PDGFC: variants seen among roughly 807,000 people sequenced by gnomAD.
PDGFC encodes platelet-derived growth factor C.
In PDGFC, 12 loss-of-function variants were observed where a neutral mutation model predicts 35.5. The ratio of observed to expected loss-of-function variants is 0.34; its 90% CI spans 0.22 to 0.55. The LOEUF (loss-of-function observed/expected upper bound fraction) is 0.55. PDGFC is among the 20% of genes least tolerant of loss of function. The pLI, the probability that PDGFC is intolerant of heterozygous loss-of-function variation, is 0.91. For synonymous variants in PDGFC, 159 were observed against 148.8 expected (o/e 1.07, Z -0.50); for missense variants, 322 against 412.4 (o/e 0.78, Z 1.90).
chr4:156,807,656 C>T (rs1487273403), intron 3 of PDGFC, among the ~76,000 whole-genome samples: 1 of 151,882 alleles, frequency 6.6e-6, no homozygotes, highest in Non-Finnish European at 1.5e-5. Flanking sequence ...AAAACTCTGC[C>T]TCTAAGACAC....
intron 3 of PDGFC, among the ~76,000 whole-genome samples, chr4:156,797,804 G>C (rs1043311957): frequency 1.3e-5 from 2 of 152,122 alleles, no homozygotes; most frequent in Non-Finnish European, 2.9e-5. Flanking sequence ...CTGAGACTGG[G>C]CTACTCCTTA....
chr4:156,861,551 G>A, intron 1 of PDGFC: 1 of 537,324 alleles, frequency 1.9e-6, no homozygotes, highest in East Asian at 7.0e-5. Flanking sequence ...TAATCTAGGT[G>A]GTTCAGAATC....
Position 156,788,937 on chromosome 4 carries a change from C to CT in PDGFC, c.496-16045dup, listed in dbSNP as rs1364230190. ...TGATCAACTGTGGTTTCAGCTTGTG[C>CT]TACTGCTATTCATAATTTAGGAAGT... On this transcript the variant is annotated intron_variant, in intron 3 of 5. Coordinates refer to ENST00000502773, the MANE Select transcript of PDGFC (RefSeq NM_016205.3). Among the ~76,000 whole-genome samples, 13 of 152,242 alleles carry CT rather than the reference C, an allele frequency of 8.5e-5. No homozygotes were observed. In the East Asian group the frequency reaches 2.5e-3, roughly 29 times the overall value.
At chr4:156,878,521 C>CT (rs1730168698) in intron 1 of PDGFC, among the ~76,000 whole-genome samples, 1 of 152,068 alleles carries the variant, frequency 6.6e-6, no homozygotes, top group Non-Finnish European at 1.5e-5. Flanking sequence ...GTGATACAGG[C>CT]TGAGTGGCCC....
intron 2 of PDGFC, among the ~76,000 whole-genome samples, chr4:156,849,971 T>C (rs1177284842): frequency 6.6e-6 from 1 of 152,068 alleles, no homozygotes; most frequent in Non-Finnish European, 1.5e-5. Context: ...CCATGTATGC[T>C]TTTTTACCAT....
chr4:156,890,658 A>G (rs1730482046), intron 1 of PDGFC, among the ~76,000 whole-genome samples: 1 of 152,180 alleles, frequency 6.6e-6, no homozygotes, highest in Admixed American at 6.5e-5. Context: ...AGATCTCTTT[A>G]AAGCAGGAAC....
intron 2 of PDGFC, among the ~76,000 whole-genome samples, chr4:156,824,997 C>G: frequency 6.6e-6 from 1 of 152,102 alleles, no homozygotes; most frequent in Non-Finnish European, 1.5e-5. Flanking sequence ...AATACATGTG[C>G]CAACAACTAA....
intron 2 of PDGFC, among the ~76,000 whole-genome samples, chr4:156,815,061 CTA>C (rs1732043294): frequency 6.6e-6 from 1 of 152,064 alleles, no homozygotes; most frequent in African/African-American, 2.4e-5. Context: ...TTTGAAAAAT[CTA>C]TATAGTTTTG....
chr4:156,959,861 T>C (rs575637842), intron 1 of PDGFC, among the ~76,000 whole-genome samples: 1 of 152,078 alleles, frequency 6.6e-6, no homozygotes, highest in South Asian at 2.1e-4. Flanking sequence ...AAGGAAACCA[T>C]TTTAAAGCTG....
intron 1 of PDGFC, among the ~76,000 whole-genome samples, chr4:156,893,581 C>T (rs2111200709): frequency 6.6e-6 from 1 of 151,934 alleles, no homozygotes; most frequent in South Asian, 2.1e-4. Flanking sequence ...GAGTGATCCT[C>T]CTACCTTGGC....
intron 1 of PDGFC, among the ~76,000 whole-genome samples, chr4:156,923,123 A>T (rs1298001135): frequency 6.6e-6 from 1 of 152,070 alleles, no homozygotes; most frequent in African/African-American, 2.4e-5. Flanking sequence ...GCTTTTCATG[A>T]TCTGCAAAGC....
intron 3 of PDGFC, among the ~76,000 whole-genome samples, chr4:156,782,637 G>A (rs927536290): frequency 1.3e-5 from 2 of 152,126 alleles, no homozygotes; most frequent in Non-Finnish European, 2.9e-5. Context: ...CTTTGGTCAT[G>A]TTTTTACATG....
At chr4:156,915,254 G>C (rs1351880551) in intron 1 of PDGFC, among the ~76,000 whole-genome samples, 2 of 152,098 alleles carry the variant, frequency 1.3e-5, no homozygotes, top group Non-Finnish European at 2.9e-5. Context: ...AAGCGTTAGG[G>C]TTTCAAATCA....
rs945519912 is a variant in PDGFC at position 156,791,092 on chromosome 4, G to T, written c.496-18199C>A. Among the ~76,000 whole-genome samples the T allele has an allele frequency of 2.6e-5, 4 of 152,108 alleles. No individual in the cohort carries two copies. The East Asian group carries it at 7.7e-4, about 29-fold the overall frequency. ...GGAATTTGGTTTACCACAATACAAT[G>T]CAAAGCCTGGCATTTTCCCAGCCAG... is the stretch of plus-strand genomic sequence containing the variant. On this transcript the variant is annotated intron_variant, in intron 3 of 5. Transcript: ENST00000502773.
chr4:156,793,279 A>C (rs1267730553), intron 3 of PDGFC, among the ~76,000 whole-genome samples: 1 of 151,990 alleles, frequency 6.6e-6, no homozygotes, highest in African/African-American at 2.4e-5. Context: ...GGGGACTATA[A>C]GAATTAATCT....
intron 2 of PDGFC, among the ~76,000 whole-genome samples, chr4:156,816,983 G>C (rs910495758): frequency 6.6e-6 from 1 of 152,050 alleles, no homozygotes; most frequent in Admixed American, 6.6e-5. Flanking sequence ...TCTTTATGAA[G>C]AGTTTTAACC....
intron 1 of PDGFC, among the ~76,000 whole-genome samples, chr4:156,912,493 C>T (rs372460922): frequency 2.6e-5 from 4 of 152,236 alleles, no homozygotes; most frequent in African/African-American, 4.8e-5. Flanking sequence ...TCTCCCACTT[C>T]CTCCTTCCTT....
At chr4:156,955,344 C>G (rs567792968) in intron 1 of PDGFC, among the ~76,000 whole-genome samples, 1 of 151,754 alleles carries the variant, frequency 6.6e-6, no homozygotes. Flanking sequence ...GGAAAGAAAA[C>G]AATTATATAT....
chr4:156,955,108 T>C (rs552897935), intron 1 of PDGFC, among the ~76,000 whole-genome samples: 1 of 152,096 alleles, frequency 6.6e-6, no homozygotes, highest in Non-Finnish European at 1.5e-5. Context: ...GAAGGCTTTA[T>C]GGGGCGGAGA....
Sources: gnomAD v4.1 joint callset for allele counts (sites outside exome capture counted in the v4.1 genomes callset) on GRCh38, gnomAD v4.1.1 for gene constraint, MANE v1.5 for transcripts, NCBI Gene and HGNC (gene_info 2026-07-23, HGNC 2026-07-21) for gene names.